AGFG1: variants seen among roughly 807,000 people sequenced by gnomAD.
AGFG1 encodes the protein ArfGAP with FG repeats 1, also known as arf-GAP domain and FG repeat-containing protein 1.
In AGFG1, 10 loss-of-function variants were observed where a neutral mutation model predicts 60.6. That is an observed-to-expected ratio of 0.16 (90% confidence interval 0.10 to 0.28). The LOEUF (loss-of-function observed/expected upper bound fraction) is 0.28. AGFG1 is among the 10% of genes least tolerant of loss of function. The probability of loss-of-function intolerance (pLI) is 1.00; values close to 1 mark genes in which losing one functional copy is unlikely to be tolerated. For synonymous variants in AGFG1, 247 were observed against 242.9 expected, an observed-to-expected ratio of 1.02 and a Z score of -0.16; for missense variants, 537 against 676.5, an observed-to-expected ratio of 0.79 and a Z score of 2.29.
intron 1 of AGFG1, among the ~76,000 whole-genome samples, chr2:227,486,356 A>G (rs1690638564): frequency 6.6e-6 from 1 of 152,174 alleles, no homozygotes. Flanking sequence ...GGACTATCAT[A>G]TTGTAGTAGA....
Position 227,536,543 on chromosome 2 carries a change from A to T in AGFG1, c.1206-82A>T, listed in dbSNP as rs531458833. ...TGATGCTGTGATACACGATATGTTC[A>T]TTATTTTATGGCTACCCTGTAAATC... On this transcript the variant is annotated intron_variant, in intron 8 of 12. Coordinates refer to ENST00000310078, the MANE Select transcript of AGFG1 (RefSeq NM_004504.5). 3 of 1,170,206 alleles carry T rather than the reference A, an allele frequency of 2.6e-6. No individual in the cohort carries two copies. The Middle Eastern group carries it at 5.8e-4, about 228-fold the overall frequency. The allele number at this position is 1,170,206 out of a possible 1,614,324, so 72.5% of individuals were successfully genotyped here.
At chr2:227,544,315 C>T (rs897206096) in intron 10 of AGFG1, among the ~76,000 whole-genome samples, 17 of 152,116 alleles carry the variant, frequency 1.1e-4, no homozygotes, top group Non-Finnish European at 1.8e-4. Flanking sequence ...CCACCACACC[C>T]GGCTAATTTT....
chr2:227,536,658 T>A lies in AGFG1; in HGVS notation c.1239T>A (p.Ser413=), dbSNP rs772222401. Residue 413 remains serine (S), a synonymous_variant, in exon 9 of 13, where the codon TCT becomes TCA. Transcript: ENST00000310078. ...TTGGAACAGTGCCAGTGGTTGCTTC[T>A]GCACAGACACAGCCTGCTTCATCAA... ...NVFGTVPVVA[S]AQTQPASSSV... 1 of 1,613,942 alleles carries A rather than the reference T, an allele frequency of 6.2e-7. No individual in the cohort carries two copies. Among genetic ancestry groups the A allele is most frequent in the Non-Finnish European group, 8.5e-7 (1 of 1,179,864 alleles).
At chr2:227,506,137 T>A (rs1691305580) in intron 2 of AGFG1, among the ~76,000 whole-genome samples, 1 of 152,212 alleles carries the variant, frequency 6.6e-6, no homozygotes, top group African/African-American at 2.4e-5. Flanking sequence ...CGCTGTTTGA[T>A]TTTTCTTTTG....
At chr2:227,503,542 G>T (rs1207333249) in intron 2 of AGFG1, among the ~76,000 whole-genome samples, 1 of 152,160 alleles carries the variant, frequency 6.6e-6, no homozygotes, top group Admixed American at 6.6e-5. Flanking sequence ...GACCAAGCTG[G>T]ATTTTCTCTC....
rs1178993702 is a variant in AGFG1, at chr2:227,558,539, A to T, written c.*4044A>T. 1 of 152,122 alleles carries T rather than the reference A, an allele frequency of 6.6e-6. No homozygotes were observed. Among genetic ancestry groups the T allele is most frequent in the East Asian group, 1.9e-4 (1 of 5,200 alleles). The allele number at this position is 152,122 out of a possible 1,614,324, so 9.4% of individuals were successfully genotyped here. ...ACAGTTTGTGGCCTATACACTTTTA[A>T]AATTTATTTTTTAAAAGGTGATATT... On this transcript the variant is annotated 3_prime_UTR_variant, in exon 13 of 13. Coordinates refer to ENST00000310078, the MANE Select transcript of AGFG1 (RefSeq NM_004504.5).
At chr2:227,507,599 T>C (rs1469987798) in intron 2 of AGFG1, among the ~76,000 whole-genome samples, 22 of 46,142 alleles carry the variant, frequency 4.8e-4, no homozygotes, top group African/African-American at 1.9e-3. Context: ...CGAGACTCTG[T>C]CTCAAAAAAA....
rs369423974 is a variant in AGFG1, at chr2:227,554,533, G to A, written c.*38G>A. On this transcript the variant is annotated 3_prime_UTR_variant, in exon 13 of 13. Transcript: ENST00000310078. ...AATTTACTGGAACGAACTTTTATGT[G>A]GTCACATTACATCTCTCCACCTCTT... is the stretch of plus-strand genomic sequence containing the variant. 2.6e-6 allele frequency: 4 copies of A among 1,521,466 alleles called. No individual in the cohort carries two copies. In the African/African-American group the frequency reaches 5.5e-5, roughly 21 times the overall value. The allele number at this position is 1,521,466 out of a possible 1,614,324, so 94.2% of individuals were successfully genotyped here.
Position 227,555,116 on chromosome 2 carries a change from T to C in AGFG1, c.*621T>C, listed in dbSNP as rs1289617133. 6.6e-6 allele frequency: 1 copy of C among 152,626 alleles called. No homozygotes were observed. Among genetic ancestry groups the C allele is most frequent in the African/African-American group, 2.4e-5 (1 of 41,466 alleles). The allele number at this position is 152,626 out of a possible 1,614,324, so 9.5% of individuals were successfully genotyped here. On this transcript the variant is annotated 3_prime_UTR_variant, in exon 13 of 13. Transcript: ENST00000310078. Reference sequence around the variant, plus strand: ...TGCAGGTGAAAAAAAATAAATATTATAAAATATGCTATTGTTTTTGTGTTC... The same window carrying C: ...TGCAGGTGAAAAAAAATAAATATTACAAAATATGCTATTGTTTTTGTGTTC...
rs1466068030 is a variant in AGFG1, at chr2:227,534,980, C to T, written c.1160C>T (p.Ala387Val). The change falls in exon 8 of 13, where the codon GCA becomes GTA. Residue 387 changes from alanine (A) to valine (V), a missense_variant. Ala to Val is a moderately conservative substitution (Grantham distance 64). Coordinates refer to ENST00000310078, the MANE Select transcript of AGFG1 (RefSeq NM_004504.5). ...GAACTAGACAGCGTTTTCAGTTCTG[C>T]AGCCACCTCCAGTAATGCGTATACT... ...LAELDSVFSS[A>V]ATSSNAYTST... 3 of 1,613,670 alleles carry T rather than the reference C, an allele frequency of 1.9e-6. No individual in the cohort carries two copies. Among genetic ancestry groups the T allele is most frequent in the Non-Finnish European group, 2.5e-6 (3 of 1,179,824 alleles).
chr2:227,504,264 C>T (rs1171199513), intron 2 of AGFG1, among the ~76,000 whole-genome samples: 1 of 151,154 alleles, frequency 6.6e-6, no homozygotes, highest in Non-Finnish European at 1.5e-5. Context: ...TGGATCATGG[C>T]TTACTGCAGC....
At chr2:227,479,990 T>C (rs1690406949) in intron 1 of AGFG1, among the ~76,000 whole-genome samples, 5 of 152,240 alleles carry the variant, frequency 3.3e-5, no homozygotes. Context: ...ATAGCAATCT[T>C]TTTGATTGAC....
intron 2 of AGFG1, among the ~76,000 whole-genome samples, chr2:227,492,734 C>T (rs892923230): frequency 1.1e-4 from 17 of 151,832 alleles, no homozygotes; most frequent in South Asian, 1.0e-3. Context: ...CAGATTTTGC[C>T]GATGACAAAT....
chr2:227,546,916 T>C (rs1400649747), intron 10 of AGFG1, among the ~76,000 whole-genome samples: 1 of 152,230 alleles, frequency 6.6e-6, no homozygotes, highest in Non-Finnish European at 1.5e-5. Context: ...CTTACCAAAA[T>C]GCAGAGCTTA....
rs759370419 is a variant in AGFG1, at chr2:227,531,125, T to A, written c.729T>A (p.Phe243Leu). 1 of 1,613,242 alleles carries A rather than the reference T, an allele frequency of 6.2e-7. No homozygotes were observed. The highest frequency in any genetic ancestry group is 2.2e-5 in the East Asian group (1 of 44,856). Residue 243 changes from phenylalanine (F) to leucine (L), a missense_variant, in exon 6 of 13, where the codon TTT becomes TTA. Around this residue, in one of 4 missense-constraint regions of AGFG1, gnomAD observed 287 missense variants for 343.6 expected, o/e 0.84. Coordinates refer to ENST00000310078, the MANE Select transcript of AGFG1 (RefSeq NM_004504.5). ...QNSANADFANFDAFGQSSGSS... is the reference protein window; with the variant it reads ...QNSANADFANLDAFGQSSGSS... ...CTGCAAATGCAGATTTTGCAAACTT[T>A]GATGCATTTGGACAGTCTAGTGGTT...
At chr2:227,524,502 A>G (rs892320252) in intron 4 of AGFG1, among the ~76,000 whole-genome samples, 9 of 152,160 alleles carry the variant, frequency 5.9e-5, no homozygotes, top group Non-Finnish European at 1.2e-4. Flanking sequence ...ACTGTGTGGC[A>G]TTGCAGCCTC....
At chr2:227,518,689 A>G (rs1422151449) in intron 2 of AGFG1, among the ~76,000 whole-genome samples, 2 of 151,608 alleles carry the variant, frequency 1.3e-5, no homozygotes, top group African/African-American at 2.4e-5. Flanking sequence ...ACGCCTGGCT[A>G]ATTTTTTTGT....
intron 1 of AGFG1, among the ~76,000 whole-genome samples, chr2:227,490,543 A>C (rs958452780): frequency 1.3e-5 from 2 of 148,344 alleles, no homozygotes; most frequent in African/African-American, 2.5e-5. Context: ...GCGCCACTGC[A>C]CTCCAGCCTG....
chr2:227,491,795 T>A (rs1273835866), intron 2 of AGFG1, among the ~76,000 whole-genome samples, 155 bp downstream of exon 2: 1 of 152,206 alleles, frequency 6.6e-6, no homozygotes, highest in Non-Finnish European at 1.5e-5. Context: ...ACTCATTTAA[T>A]AATGTATTTG....
Sources: allele counts gnomAD v4.1 joint callset (sites outside exome capture counted in the v4.1 genomes callset), GRCh38; gene constraint gnomAD v4.1.1; regional missense constraint gnomAD v4.1.1; transcripts MANE v1.5; gene names NCBI Gene and HGNC (gene_info 2026-07-23, HGNC 2026-07-21).